STK33: variants seen among roughly 807,000 people sequenced by gnomAD.
STK33 encodes serine/threonine-protein kinase 33.
In STK33, 52 loss-of-function variants were observed where a neutral mutation model predicts 58.0. The ratio of observed to expected loss-of-function variants is 0.90; its 90% confidence interval spans 0.72 to 1.13. STK33 has a LOEUF of 1.13. Among genes scored for constraint, STK33 ranks in the 50% most tolerant of loss-of-function variants. STK33 has a pLI of 0.00. For missense variants in STK33, 630 were observed against 604.2 expected (o/e 1.04, Z -0.45); for synonymous variants, 215 against 200.1 (o/e 1.07, Z -0.63).
In STK33 at chr11:8,475,007, T is replaced by C. The variant is rs1392321454; in HGVS notation, c.-102A>G. 2.7e-6 allele frequency: 3 copies of C among 1,118,802 alleles called. No individual in the cohort carries two copies. 69.3% of individuals were successfully genotyped at this position (1,118,802 alleles called of 1,614,324 possible). A position where few individuals can be genotyped will look rare whatever the true frequency, so the allele number is the denominator to read the frequency against. ...AGGTAGTTGATGGTGAAAACTGTAA[T>C]TTCGAACTGGTGAAGTCCTCAGGTT... is the stretch of plus-strand genomic sequence containing the variant. On this transcript the variant is annotated 5_prime_UTR_variant, in exon 5 of 16. Coordinates refer to ENST00000687296, the MANE Select transcript of STK33 (RefSeq NM_001352389.2).
chr11:8,406,399 A>C (rs1939213019), intron 15 of STK33, among the ~76,000 whole-genome samples: 4 of 152,208 alleles, frequency 2.6e-5, no homozygotes, highest in South Asian at 4.1e-4. Flanking sequence ...TCAATTTATA[A>C]CAAAAAAGCA....
intron 15 of STK33, among the ~76,000 whole-genome samples, chr11:8,408,872 C>T (rs541958439): frequency 2.9e-4 from 44 of 152,162 alleles, no homozygotes; most frequent in Admixed American, 8.5e-4. Context: ...CTTAATTCCC[C>T]CTGCAATTAG....
intron 15 of STK33, among the ~76,000 whole-genome samples, chr11:8,407,517 A>C (rs1477576571): frequency 6.6e-6 from 1 of 152,122 alleles, no homozygotes; most frequent in African/African-American, 2.4e-5. Flanking sequence ...TTTAAAAATA[A>C]ATACAGAACG....
intron 1 of STK33, among the ~76,000 whole-genome samples, chr11:8,509,612 C>G (rs1404950701): frequency 6.6e-6 from 1 of 152,098 alleles, no homozygotes; most frequent in Non-Finnish European, 1.5e-5. Context: ...ACCCACCACC[C>G]TAGCAGAGTA....
the STK33 span, among the ~76,000 whole-genome samples, chr11:8,386,465 A>T: frequency 4.6e-5 from 7 of 152,354 alleles, no homozygotes; most frequent in African/African-American, 1.7e-4. Flanking sequence ...GGGTAGCTAG[A>T]AGCCTTTTCT....
chr11:8,462,302 A>G (rs1035835130), intron 7 of STK33, among the ~76,000 whole-genome samples: 1 of 151,964 alleles, frequency 6.6e-6, no homozygotes, highest in African/African-American at 2.4e-5. Context: ...TAATAAAAAC[A>G]AAATCTACTT....
At chr11:8,413,415 G>C in intron 15 of STK33, 80 bp downstream of exon 15, 2 of 1,465,352 alleles carry the variant, frequency 1.4e-6, no homozygotes, top group South Asian at 2.4e-5. Flanking sequence ...ACAACAAAAA[G>C]ACAGATTTGC....
intron 1 of STK33, among the ~76,000 whole-genome samples, chr11:8,520,293 GC>G (rs1414626279): frequency 6.6e-6 from 1 of 152,124 alleles, no homozygotes; most frequent in African/African-American, 2.4e-5. Context: ...AAATTCAGCA[GC>G]CCTTCATGCT....
intron 15 of STK33, among the ~76,000 whole-genome samples, chr11:8,398,605 G>C (rs1329749433): frequency 6.6e-6 from 1 of 152,126 alleles, no homozygotes; most frequent in South Asian, 2.1e-4. Context: ...AAATTCAGAC[G>C]TAACAATATT....
At chr11:8,339,804 G>A in the STK33 span, among the ~76,000 whole-genome samples, 1 of 152,220 alleles carries the variant, frequency 6.6e-6, no homozygotes, top group Non-Finnish European at 1.5e-5. Flanking sequence ...GCAGGACACA[G>A]CCTCCAAGCC....
chr11:8,381,985 C>T, the STK33 span, among the ~76,000 whole-genome samples: 6 of 152,052 alleles, frequency 3.9e-5, no homozygotes, highest in East Asian at 1.2e-3. Flanking sequence ...GACCTCCTTC[C>T]CACCCATATC....
chr11:8,474,992 T>C lies in STK33; in HGVS notation c.-87A>G, dbSNP rs544966743. On this transcript the variant is annotated 5_prime_UTR_variant, in exon 5 of 16. Transcript: ENST00000687296. Reference sequence around the variant, plus strand: ...AGGCCAAAAAGGATAAGGTAGTTGATGGTGAAAACTGTAATTTCGAACTGG... The same window carrying C: ...AGGCCAAAAAGGATAAGGTAGTTGACGGTGAAAACTGTAATTTCGAACTGG... 5 of 1,283,206 alleles carry C rather than the reference T, an allele frequency of 3.9e-6. No homozygotes were observed. In the African/African-American group the frequency reaches 4.5e-5, roughly 12 times the overall value. The allele number at this position is 1,283,206 out of a possible 1,614,324, so 79.5% of individuals were successfully genotyped here.
chr11:8,409,573 A>G (rs954221484), intron 15 of STK33, among the ~76,000 whole-genome samples: 1 of 152,186 alleles, frequency 6.6e-6, no homozygotes, highest in Admixed American at 6.5e-5. Context: ...CAAGAATCCA[A>G]TCTTCCACAG....
At chr11:8,592,960 T>C (rs1415923688) in intron 1 of STK33, among the ~76,000 whole-genome samples, 3 of 152,126 alleles carry the variant, frequency 2.0e-5, no homozygotes, top group Non-Finnish European at 2.9e-5. Context: ...TCATGGTAGA[T>C]TGGTCTAGGG....
chr11:8,403,375 C>A (rs1387761207), intron 15 of STK33, among the ~76,000 whole-genome samples: 1 of 152,140 alleles, frequency 6.6e-6, no homozygotes, highest in Non-Finnish European at 1.5e-5. Flanking sequence ...AGACAGGCTA[C>A]TAATATGATT....
chr11:8,556,660 T>C (rs1260764327), intron 1 of STK33, among the ~76,000 whole-genome samples: 1 of 152,196 alleles, frequency 6.6e-6, no homozygotes, highest in Non-Finnish European at 1.5e-5. Context: ...CAAAGGAACT[T>C]GTACACTTTC....
In STK33 at chr11:8,392,693, C is replaced by T. The variant is rs550208254; in HGVS notation, c.1362G>A (p.Lys454=). Reference sequence around the variant, plus strand: ...TGTCCTTACTGGTTGCAGGAAATTGCTTTTCATAAGCAGTAGACTGCAAAT... The same window carrying T: ...TGTCCTTACTGGTTGCAGGAAATTGTTTTTCATAAGCAGTAGACTGCAAAT... ...EEEKQSTAYE[K]QFPATSKDNF... is the part of the protein sequence containing the mutation. Residue 454 remains lysine (K), a synonymous_variant, in exon 16 of 16, where the codon AAG becomes AAA. Coordinates refer to ENST00000687296, the MANE Select transcript of STK33 (RefSeq NM_001352389.2). The T allele has an allele frequency of 1.7e-5, 28 of 1,614,156 alleles. No homozygotes were observed. In the African/African-American group the frequency reaches 2.4e-4, roughly 14 times the overall value.
At chr11:8,458,547 A>C (rs958280274) in intron 8 of STK33, among the ~76,000 whole-genome samples, 1 of 152,158 alleles carries the variant, frequency 6.6e-6, no homozygotes, top group Non-Finnish European at 1.5e-5. Context: ...GAAAAGATTT[A>C]AAAATACCAA....
chr11:8,454,694 T>A (rs1946640236), intron 10 of STK33, 50 bp downstream of exon 10: 1 of 1,519,038 alleles, frequency 6.6e-7, no homozygotes, highest in Non-Finnish European at 8.8e-7. Context: ...TTTGCCACTT[T>A]GCTATCAAAC....
Sources: gnomAD v4.1 joint callset for allele counts (sites outside exome capture counted in the v4.1 genomes callset) on GRCh38, gnomAD v4.1.1 for gene constraint, MANE v1.5 for transcripts, NCBI Gene and HGNC (gene_info 2026-07-23, HGNC 2026-07-21) for gene names.